MDFIC2: variants seen among roughly 807,000 people sequenced by gnomAD.
MDFIC2 encodes the protein myoD family inhibitor domain-containing protein 2.
chr3:70,266,949 G>C (rs1293677369), intron 2 of MDFIC2, among the ~76,000 whole-genome samples: 1 of 152,114 alleles, frequency 6.6e-6, no homozygotes, highest in Admixed American at 6.6e-5. Flanking sequence ...AAATTTGTTG[G>C]CTGAGGAGCC....
intron 2 of MDFIC2, among the ~76,000 whole-genome samples, chr3:70,283,435 T>A (rs1702109201): frequency 6.6e-6 from 1 of 152,116 alleles, no homozygotes; most frequent in South Asian, 2.1e-4. Context: ...TACTGTAGAA[T>A]TGTTCAAAGA....
At position 70,226,303 on chromosome 3, in the gene MDFIC2, G is replaced by C. The variant is rs537830102; in HGVS notation, c.89-19513C>G. ...CTCTTCAATGTGTGAGAGGCACTCA[G>C]GTCATTTTAATAGCATGTGATGAGA... is the stretch of plus-strand genomic sequence containing the variant. On this transcript the variant is annotated intron_variant, in intron 2 of 3. Coordinates refer to ENST00000567252, the MANE Select transcript of MDFIC2 (RefSeq NM_001364677.1). Among the ~76,000 whole-genome samples the C allele has an allele frequency of 1.1e-3, 172 of 152,258 alleles. 1 individual carries two copies. The highest frequency in any genetic ancestry group is 3.9e-3 in the African/African-American group (164 of 41,548).
At chr3:70,231,484 C>T (rs866969086) in intron 2 of MDFIC2, among the ~76,000 whole-genome samples, 2 of 152,282 alleles carry the variant, frequency 1.3e-5, no homozygotes, top group East Asian at 1.9e-4. Context: ...TCACACGTGC[C>T]GCGTACTCTT....
chr3:70,290,874 C>T (rs1298641637), intron 2 of MDFIC2, among the ~76,000 whole-genome samples: 1 of 152,176 alleles, frequency 6.6e-6, no homozygotes, highest in African/African-American at 2.4e-5. Flanking sequence ...ACTCGCTGAC[C>T]CCTTGCGCTT....
intron 2 of MDFIC2, among the ~76,000 whole-genome samples, chr3:70,213,629 A>C (rs970965082): frequency 3.3e-5 from 5 of 152,104 alleles, no homozygotes; most frequent in African/African-American, 1.2e-4. Flanking sequence ...TTGAAGTGAC[A>C]CTGTATAGAG....
At chr3:70,268,222 G>A (rs541594493) in intron 2 of MDFIC2, among the ~76,000 whole-genome samples, 1 of 152,288 alleles carries the variant, frequency 6.6e-6, no homozygotes, top group South Asian at 2.1e-4. Flanking sequence ...TGTCATCCCA[G>A]CACTTTGGGG....
At chr3:70,286,598 A>G (rs970799269) in intron 2 of MDFIC2, among the ~76,000 whole-genome samples, 3 of 151,956 alleles carry the variant, frequency 2.0e-5, no homozygotes, top group African/African-American at 4.8e-5. Flanking sequence ...CTGTGAAGAA[A>G]GTCATTGGTA....
chr3:70,221,913 G>A (rs1701463895), intron 2 of MDFIC2, among the ~76,000 whole-genome samples: 1 of 152,174 alleles, frequency 6.6e-6, no homozygotes, highest in Admixed American at 6.5e-5. Context: ...TAGATAATGA[G>A]TGTTAGTACT....
At chr3:70,265,240 A>G (rs1701905471) in intron 2 of MDFIC2, among the ~76,000 whole-genome samples, 1 of 152,164 alleles carries the variant, frequency 6.6e-6, no homozygotes, top group East Asian at 1.9e-4. Context: ...GATAAATCAT[A>G]TTTAAGTTGA....
rs1041414429 is a variant in MDFIC2 at position 70,306,594 on chromosome 3, AT to A, written c.88+5291del. Among the ~76,000 whole-genome samples the A allele has an allele frequency of 2.6e-5, 4 of 151,376 alleles. No individual in the cohort carries two copies. In the East Asian group the frequency reaches 7.8e-4, roughly 29 times the overall value. On this transcript the variant is annotated intron_variant, in intron 2 of 3. Transcript: ENST00000567252. ...TTCCCCACCCCCTATTTTTTTTATCATTTTTTTTCTCTCTCATGAATTTTCC... is the reference window on the plus strand; with the variant it reads ...TTCCCCACCCCCTATTTTTTTTATCATTTTTTTCTCTCTCATGAATTTTCC...
chr3:70,277,651 A>G (rs1216627822), intron 2 of MDFIC2, among the ~76,000 whole-genome samples: 2 of 152,110 alleles, frequency 1.3e-5, no homozygotes, highest in African/African-American at 4.8e-5. Context: ...CTTCTAATGA[A>G]AGTATGGTCG....
In MDFIC2 at chr3:70,258,289, G is replaced by C. The variant is rs149922840; in HGVS notation, c.89-51499C>G. ...ATGAGCCATAAAACTTAATAAATTG[G>C]CTTTCATCAAAATTATAAATCTTTG... On this transcript the variant is annotated intron_variant, in intron 2 of 3. Transcript: ENST00000567252. Among the ~76,000 whole-genome samples the C allele has an allele frequency of 1.9e-4, 29 of 152,090 alleles. No homozygotes were observed. In the East Asian group the frequency reaches 5.6e-3, roughly 29 times the overall value.
intron 2 of MDFIC2, among the ~76,000 whole-genome samples, chr3:70,284,705 T>A (rs1331068729): frequency 6.6e-6 from 1 of 152,084 alleles, no homozygotes; most frequent in East Asian, 1.9e-4. Context: ...TGAGAACACA[T>A]GGCCACAGGG....
At chr3:70,252,355 C>T (rs890102152) in intron 2 of MDFIC2, among the ~76,000 whole-genome samples, 1 of 152,130 alleles carries the variant, frequency 6.6e-6, no homozygotes, top group Non-Finnish European at 1.5e-5. Context: ...GGTGTCACCC[C>T]ATTTGCTTCA....
At chr3:70,258,225 T>C (rs1479036944) in intron 2 of MDFIC2, among the ~76,000 whole-genome samples, 1 of 152,086 alleles carries the variant, frequency 6.6e-6, no homozygotes, top group Non-Finnish European at 1.5e-5. Flanking sequence ...CTTTGAGCAA[T>C]AGGGTGGGCA....
At chr3:70,258,329 C>A (rs1701836043) in intron 2 of MDFIC2, among the ~76,000 whole-genome samples, 2 of 151,816 alleles carry the variant, frequency 1.3e-5, no homozygotes, top group African/African-American at 4.8e-5. Context: ...TTGAAAAATA[C>A]CATCAAGAAA....
chr3:70,275,505 A>T (rs1189299124), intron 2 of MDFIC2, among the ~76,000 whole-genome samples: 1 of 152,168 alleles, frequency 6.6e-6, no homozygotes, highest in East Asian at 1.9e-4. Context: ...TGGCAAAGCA[A>T]GACCCTGTCT....
At chr3:70,287,026 T>G (rs1233120780) in intron 2 of MDFIC2, among the ~76,000 whole-genome samples, 1 of 148,548 alleles carries the variant, frequency 6.7e-6, no homozygotes, top group Non-Finnish European at 1.5e-5. Context: ...GACTTCCTCT[T>G]TTCCTAATTG....
At chr3:70,286,574 A>G (rs1702166012) in intron 2 of MDFIC2, among the ~76,000 whole-genome samples, 1 of 151,828 alleles carries the variant, frequency 6.6e-6, no homozygotes, top group Non-Finnish European at 1.5e-5. Context: ...ACTTTAAAGT[A>G]GTTTTTTCCA....
Sources: allele counts gnomAD v4.1 joint callset (sites outside exome capture counted in the v4.1 genomes callset), GRCh38; gene constraint gnomAD v4.1.1; transcripts MANE v1.5; gene names NCBI Gene and HGNC (gene_info 2026-07-23, HGNC 2026-07-21).